FOXN1: variants seen among roughly 807,000 people sequenced by gnomAD.
The protein encoded by FOXN1 is forkhead box protein N1.
Under a neutral mutation model 49.0 loss-of-function variants are expected in FOXN1, and 15 were observed. The ratio of observed to expected loss-of-function variants is 0.31; its 90% CI spans 0.20 to 0.47. FOXN1 has a LOEUF of 0.47. FOXN1 is among the 20% of genes least tolerant of loss of function. The probability of loss-of-function intolerance (pLI) is 1.00; values close to 1 mark genes in which losing one functional copy is unlikely to be tolerated. For missense variants in FOXN1, 800 were observed against 842.8 expected, an observed-to-expected ratio of 0.95 and a Z score of 0.63; for synonymous variants, 356 against 369.0, an observed-to-expected ratio of 0.96 and a Z score of 0.40.
At position 28,524,049 on chromosome 17, in the gene FOXN1, T is replaced by G; in HGVS notation, c.80T>G (p.Leu27Arg). Residue 27 changes from leucine to arginine, a missense_variant, in exon 2 of 9, where the codon CTC becomes CGC. Around this residue, in one of 3 missense-constraint regions of FOXN1, gnomAD observed 383 missense variants for 357.9 expected, o/e 1.07. Coordinates refer to ENST00000579795, the MANE Select transcript of FOXN1 (RefSeq NM_001369369.1). The stretch of plus-strand genomic sequence containing the variant: ...CTGGAGGGCGAGCGCCAAGGGGACC[T>G]CATGCAGGCACCGGGCCTCCCAGGC... ...TRLEGERQGD[L>R]MQAPGLPGSP... 6.2e-7 allele frequency: 1 copy of G among 1,611,372 alleles called. No homozygotes were observed. Among genetic ancestry groups the G allele is most frequent in the African/African-American group, 1.3e-5 (1 of 74,964 alleles).
chr17:28,534,221 C>T lies in FOXN1; in HGVS notation c.928-110C>T, dbSNP rs971188704. 27 of 1,530,052 alleles carry T rather than the reference C, an allele frequency of 1.8e-5. No homozygotes were observed. The highest frequency in any genetic ancestry group is 8.0e-5 in the South Asian group (7 of 87,798). 94.8% of individuals were successfully genotyped at this position (1,530,052 alleles called of 1,614,324 possible). A position where few individuals can be genotyped will look rare whatever the true frequency, so the allele number is the denominator to read the frequency against. ...GGAGGACAACAAGCCCCAGAGTGGG[C>T]GGCAGCTCTGTGCCCAGAGGAGAAA... On this transcript the variant is annotated intron_variant, in intron 6 of 8. Coordinates refer to ENST00000579795, the MANE Select transcript of FOXN1 (RefSeq NM_001369369.1). The surrounding 1 kb of genome is among the most constrained non-coding windows in gnomAD (Gnocchi z 4.1).
intron 1 of FOXN1, among the ~76,000 whole-genome samples, chr17:28,514,680 C>A (rs543593123): frequency 3.9e-5 from 6 of 152,264 alleles, no homozygotes; most frequent in Non-Finnish European, 7.4e-5. Context: ...GCTGCCGCAG[C>A]CAGCAACAGA....
chr17:28,534,584 A>G lies in FOXN1; in HGVS notation c.1135+46A>G. 1 of 1,573,296 alleles carries G rather than the reference A, an allele frequency of 6.4e-7. No homozygotes were observed. The highest frequency in any genetic ancestry group is 8.6e-7 in the Non-Finnish European group (1 of 1,163,146). On this transcript the variant is annotated intron_variant, in intron 7 of 8. Coordinates refer to ENST00000579795, the MANE Select transcript of FOXN1 (RefSeq NM_001369369.1). This position sits in a 1 kb window ranked among gnomAD's most constrained non-coding sequence, Gnocchi z 4.1. ...CAAGGAAGGGCCCAGGGTACTCATGAGCCAAAAAAAAAAAAAAGAGAGAAT... is the reference window on the plus strand; with the variant it reads ...CAAGGAAGGGCCCAGGGTACTCATGGGCCAAAAAAAAAAAAAAGAGAGAAT...
chr17:28,513,974 G>C (rs952663593), intron 1 of FOXN1, among the ~76,000 whole-genome samples: 1 of 152,202 alleles, frequency 6.6e-6, no homozygotes, highest in African/African-American at 2.4e-5. Context: ...CCCTGCAGAA[G>C]GGATGAGTCT....
rs939089402 is a variant in FOXN1, at chr17:28,529,242, C to T, written c.830+18C>T. 1.2e-5 allele frequency: 19 copies of T among 1,613,700 alleles called. No individual in the cohort carries two copies. The highest frequency in any genetic ancestry group is 2.7e-5 in the African/African-American group (2 of 74,878). On this transcript the variant is annotated intron_variant, in intron 5 of 8. Coordinates refer to ENST00000579795, the MANE Select transcript of FOXN1 (RefSeq NM_001369369.1). ...TCCTACAGGTACATTTCCCACTCTC[C>T]AGGGATGGGAGGAGGAGGGGAGTGA...
In FOXN1 at chr17:28,530,769, T is replaced by C; in HGVS notation, c.851T>C (p.Leu284Pro). The change falls in exon 6 of 9, where the codon CTT (leucine) becomes CCT (proline). Residue 284 changes from leucine (L) to proline (P), a missense_variant. Physicochemically the swap from Leu to Pro is moderately conservative, Grantham distance 98. Around this residue, in one of 3 missense-constraint regions of FOXN1, gnomAD observed 73 missense variants for 118.9 expected, o/e 0.61. Coordinates refer to ENST00000579795, the MANE Select transcript of FOXN1 (RefSeq NM_001369369.1). ...YSYSILIFMA[L>P]KNSKTGSLPV... is the part of the protein sequence containing the mutation. ...TTCAGCATCCTCATCTTCATGGCCC[T>C]TAAGAACAGTAAAACTGGGAGCCTT... 1 of 1,606,332 alleles carries C rather than the reference T, an allele frequency of 6.2e-7. No homozygotes were observed. Among genetic ancestry groups the C allele is most frequent in the Non-Finnish European group, 8.5e-7 (1 of 1,172,928 alleles).
Position 28,524,857 on chromosome 17 carries a change from G to A in FOXN1, c.478G>A (p.Glu160Lys). The change falls in exon 3 of 9, where the codon GAG becomes AAG. Residue 160 changes from glutamate to lysine, a missense_variant. This residue lies in a region of FOXN1 where 383 missense variants were observed against 357.9 expected (regional missense o/e 1.07). Coordinates refer to ENST00000579795, the MANE Select transcript of FOXN1 (RefSeq NM_001369369.1). ...KTPGPLEAFEEIPVDVAEAEA... is the reference protein window; with the variant it reads ...KTPGPLEAFEKIPVDVAEAEA... ...CCCAGGGCCGCTGGAGGCCTTCGAGGAGATCCCAGTGGACGTGGCGGAGGC... is the reference window on the plus strand; with the variant it reads ...CCCAGGGCCGCTGGAGGCCTTCGAGAAGATCCCAGTGGACGTGGCGGAGGC... 1.2e-6 allele frequency: 2 copies of A among 1,613,794 alleles called. No individual in the cohort carries two copies. Among genetic ancestry groups the A allele is most frequent in the Non-Finnish European group, 1.7e-6 (2 of 1,180,008 alleles).
chr17:28,535,162 G>A lies in FOXN1; in HGVS notation c.1591G>A (p.Ala531Thr). 6.2e-7 allele frequency: 1 copy of A among 1,613,418 alleles called. No homozygotes were observed. The highest frequency in any genetic ancestry group is 1.1e-5 in the South Asian group (1 of 90,974). The stretch of plus-strand genomic sequence containing the variant: ...TGGAGACCTTGGCACTGACCTGGAT[G>A]CCATCAATCCCTCACTCACTGACTT... ...PDGDLGTDLD[A>T]INPSLTDFDF... The change falls in exon 8 of 9, where the codon GCC becomes ACC. Residue 531 changes from alanine (A) to threonine (T), a missense_variant. Around this residue, in one of 3 missense-constraint regions of FOXN1, gnomAD observed 344 missense variants for 366.1 expected, o/e 0.94. Coordinates refer to ENST00000579795, the MANE Select transcript of FOXN1 (RefSeq NM_001369369.1).
In FOXN1 at chr17:28,524,089, G is replaced by A; in HGVS notation, c.120G>A (p.Gln40=). The A allele has an allele frequency of 1.9e-6, 3 of 1,598,568 alleles. No individual in the cohort carries two copies. The highest frequency in any genetic ancestry group is 2.2e-5 in the South Asian group (2 of 89,548). Reference sequence around the variant, plus strand: ...GCCTCCCAGGCTCCCCTGCCCCACAGAGTGTAAGTACCCGGCATCTGGGCC... The same window carrying A: ...GCCTCCCAGGCTCCCCTGCCCCACAAAGTGTAAGTACCCGGCATCTGGGCC... The part of the protein sequence containing the change: ...APGLPGSPAP[Q]SKHAGFSCSS... Residue 40 remains glutamine, a synonymous_variant, in exon 2 of 9, where the codon CAG becomes CAA. Coordinates refer to ENST00000579795, the MANE Select transcript of FOXN1 (RefSeq NM_001369369.1).
At chr17:28,508,825 C>T (rs1356339231) in intron 1 of FOXN1, among the ~76,000 whole-genome samples, 2 of 152,170 alleles carry the variant, frequency 1.3e-5, no homozygotes, top group Non-Finnish European at 1.5e-5. Flanking sequence ...CAGGTATGCC[C>T]TCCCCTCTGT....
At position 28,529,077 on chromosome 17, in the gene FOXN1, C is replaced by G; in HGVS notation, c.700-17C>G. 1 of 1,613,956 alleles carries G rather than the reference C, an allele frequency of 6.2e-7. No individual in the cohort carries two copies. Among genetic ancestry groups the G allele is most frequent in the Non-Finnish European group, 8.5e-7 (1 of 1,179,920 alleles). ...CTGGGTACCATGCAATCACTCTGCC[C>G]CTTTTGACCTCCTCAGTACTCGCCA... On this transcript the variant is annotated splice_polypyrimidine_tract_variant and intron_variant, in intron 4 of 8. Coordinates refer to ENST00000579795, the MANE Select transcript of FOXN1 (RefSeq NM_001369369.1).
rs546111923 is a variant in FOXN1, at chr17:28,534,740, A to G, written c.1169A>G (p.Glu390Gly). ...GACAGCCTCATTGGAGACAAGAGAG[A>G]AAAGCTGGGCTCCCCACTCCTGGGC... ...ELDSLIGDKR[E>G]KLGSPLLGCP... Residue 390 changes from glutamate to glycine, a missense_variant, in exon 8 of 9, where the codon GAA becomes GGA. By Grantham distance (98) the Glu-to-Gly change is moderately conservative. Transcript: ENST00000579795. This position sits in a 1 kb window ranked among gnomAD's most constrained non-coding sequence, Gnocchi z 4.1. 5.6e-6 allele frequency: 9 copies of G among 1,613,558 alleles called. No individual in the cohort carries two copies. In the African/African-American group the frequency reaches 6.7e-5, roughly 12 times the overall value.
chr17:28,532,158 C>T (rs2069930443), intron 6 of FOXN1, among the ~76,000 whole-genome samples: 1 of 152,152 alleles, frequency 6.6e-6, no homozygotes, highest in Non-Finnish European at 1.5e-5. Context: ...CACCAGCTCC[C>T]GGCCTGGCCC....
intron 1 of FOXN1, among the ~76,000 whole-genome samples, chr17:28,518,672 G>C (rs1037973230): frequency 6.6e-6 from 1 of 152,132 alleles, no homozygotes. Flanking sequence ...CGCTCCCCAA[G>C]GATCATGGCA....
intron 1 of FOXN1, among the ~76,000 whole-genome samples, chr17:28,514,423 T>C (rs2069451750): frequency 6.6e-6 from 1 of 152,100 alleles, no homozygotes; most frequent in Admixed American, 6.5e-5. Context: ...GAGGCCAGAA[T>C]TTTGCCCTCA....
rs755766998 is a variant in FOXN1, at chr17:28,535,084, C to A, written c.1513C>A (p.Leu505Ile). 1.9e-6 allele frequency: 3 copies of A among 1,607,980 alleles called. 1 individual carries two copies. Among genetic ancestry groups the A allele is most frequent in the Non-Finnish European group, 2.6e-6 (3 of 1,175,832 alleles). ...CACCCCACCCAGCCACAGTGCCAAGCTACTGGCCGAGCCTTCCCCAGCCAG... is the reference window on the plus strand; with the variant it reads ...CACCCCACCCAGCCACAGTGCCAAGATACTGGCCGAGCCTTCCCCAGCCAG... ...AHTPPSHSAK[L>I]LAEPSPARTM... Residue 505 changes from leucine to isoleucine, a missense_variant, in exon 8 of 9, where the codon CTA becomes ATA. This residue lies in a region of FOXN1 where 344 missense variants were observed against 366.1 expected (regional missense o/e 0.94). Coordinates refer to ENST00000579795, the MANE Select transcript of FOXN1 (RefSeq NM_001369369.1).
In FOXN1 at chr17:28,534,914, C is replaced by T; in HGVS notation, c.1343C>T (p.Pro448Leu). The change falls in exon 8 of 9, where the codon CCC (proline) becomes CTC (leucine). Residue 448 changes from proline to leucine, a missense_variant. This residue lies in a region of FOXN1 where 344 missense variants were observed against 366.1 expected (regional missense o/e 0.94). Transcript: ENST00000579795. This position sits in a 1 kb window ranked among gnomAD's most constrained non-coding sequence, Gnocchi z 4.1. ...PLQDLLMGHT[P>L]SCYGQTYLHL... ...CAGGACCTACTTATGGGGCACACACCCTCCTGCTATGGGCAGACATACTTG... is the reference window on the plus strand; with the variant it reads ...CAGGACCTACTTATGGGGCACACACTCTCCTGCTATGGGCAGACATACTTG... The T allele has an allele frequency of 6.2e-7, 1 of 1,614,136 alleles. No individual in the cohort carries two copies. Among genetic ancestry groups the T allele is most frequent in the Non-Finnish European group, 8.5e-7 (1 of 1,179,990 alleles).
rs2070101765 is a variant in FOXN1 at position 28,537,494 on chromosome 17, G to A, written c.*58G>A. On this transcript the variant is annotated 3_prime_UTR_variant, in exon 9 of 9. Coordinates refer to ENST00000579795, the MANE Select transcript of FOXN1 (RefSeq NM_001369369.1). ...CCTGGTCTGGAAGTCCTGGCCGGCC[G>A]CCCACATCGGGCTCACCTTAAAGGT... 15 of 1,360,312 alleles carry A rather than the reference G, an allele frequency of 1.1e-5. No homozygotes were observed. Among genetic ancestry groups the A allele is most frequent in the Middle Eastern group, 1.8e-4 (1 of 5,562 alleles). The allele number at this position is 1,360,312 out of a possible 1,614,324, so 84.3% of individuals were successfully genotyped here.
intron 1 of FOXN1, among the ~76,000 whole-genome samples, chr17:28,521,378 CT>C (rs1381011851): frequency 6.6e-6 from 1 of 152,202 alleles, no homozygotes; most frequent in African/African-American, 2.4e-5. Flanking sequence ...TGCCAGCCCC[CT>C]GCACCAAGCC....
Sources: gnomAD v4.1 joint callset for allele counts (sites outside exome capture counted in the v4.1 genomes callset) on GRCh38, gnomAD v4.1.1 for gene constraint, gnomAD v4.1.1 regional missense constraint, Gnocchi (gnomAD v3.1) non-coding constraint, MANE v1.5 for transcripts, NCBI Gene and HGNC (gene_info 2026-07-23, HGNC 2026-07-21) for gene names.